The following NKAIN2 variants were observed in gnomAD, a reference collection of about 807,000 sequenced individuals.
The protein encoded by NKAIN2 is sodium/potassium-transporting ATPase subunit beta-1-interacting protein 2.
NKAIN2 carries 14 observed loss-of-function variants against 32.6 expected under a neutral mutation model. The observed-to-expected ratio is 0.43, with a 90% CI of 0.28 to 0.67. The LOEUF is 0.67. NKAIN2 is among the 30% of genes least tolerant of loss of function. The pLI is 0.17. For missense variants in NKAIN2, 198 were observed against 258.3 expected, an observed-to-expected ratio of 0.77 and a Z score of 1.60; for synonymous variants, 80 against 87.2, an observed-to-expected ratio of 0.92 and a Z score of 0.46.
At chr6:124,497,899 CAA>C (rs1387079347) in intron 3 of NKAIN2, among the ~76,000 whole-genome samples, 1 of 145,472 alleles carries the variant, frequency 6.9e-6, no homozygotes, top group African/African-American at 2.5e-5. Flanking sequence ...CAAAATTCTT[CAA>C]AGTGTTTCAT....
chr6:124,782,510 C>G (rs1003603852), intron 4 of NKAIN2, among the ~76,000 whole-genome samples: 11 of 152,186 alleles, frequency 7.2e-5, no homozygotes, highest in South Asian at 6.2e-4. Context: ...AGAAATCTGG[C>G]CTTGTGTTCC....
chr6:124,589,593 A>G (rs635837), intron 3 of NKAIN2, among the ~76,000 whole-genome samples: 24,186 of 152,228 alleles, frequency 0.16, 2,041 homozygotes, highest in Middle Eastern at 0.25. Flanking sequence ...ATACATCTCA[A>G]TTGCAAAACA....
intron 3 of NKAIN2, among the ~76,000 whole-genome samples, chr6:124,622,770 C>T (rs1165807149): frequency 6.6e-6 from 1 of 152,136 alleles, no homozygotes; most frequent in African/African-American, 2.4e-5. Context: ...CTCCGACAAC[C>T]CCCAGCTGAA....
At chr6:124,515,431 G>C (rs1778866559) in intron 3 of NKAIN2, among the ~76,000 whole-genome samples, 2 of 152,036 alleles carry the variant, frequency 1.3e-5, no homozygotes, top group Admixed American at 6.5e-5. Context: ...TTTCTGGCCA[G>C]TGTGTGCAGA....
intron 3 of NKAIN2, among the ~76,000 whole-genome samples, chr6:124,459,720 GTATAA>G (rs1445797373): frequency 6.6e-6 from 1 of 151,468 alleles, no homozygotes; most frequent in East Asian, 1.9e-4. Flanking sequence ...CTTTCTGTTG[GTATAA>G]TATAACTATA....
chr6:124,729,272 C>T (rs1418751724), intron 4 of NKAIN2, among the ~76,000 whole-genome samples: 13 of 150,064 alleles, frequency 8.7e-5, no homozygotes, highest in African/African-American at 2.9e-4. Context: ...GAATTTTAGA[C>T]CAATATCCTT....
At chr6:124,381,401 TG>T (rs1217738838) in intron 3 of NKAIN2, among the ~76,000 whole-genome samples, 2 of 152,150 alleles carry the variant, frequency 1.3e-5, no homozygotes, top group Non-Finnish European at 2.9e-5. Context: ...GAGTGTAAAC[TG>T]GTCTTGAGAT....
intron 4 of NKAIN2, among the ~76,000 whole-genome samples, chr6:124,743,013 T>G (rs1329586225): frequency 6.6e-6 from 1 of 151,960 alleles, no homozygotes; most frequent in African/African-American, 2.4e-5. Flanking sequence ...TCTCTTTCAC[T>G]GCTCCATGAT....
At chr6:123,846,879 T>C (rs1202884938) in intron 1 of NKAIN2, among the ~76,000 whole-genome samples, 5 of 151,992 alleles carry the variant, frequency 3.3e-5, no homozygotes, top group Non-Finnish European at 7.4e-5. Flanking sequence ...ATGTCTCTTA[T>C]TTCCTCTTTC....
At chr6:124,265,973 C>T (rs1272789507) in intron 1 of NKAIN2, among the ~76,000 whole-genome samples, 3 of 152,094 alleles carry the variant, frequency 2.0e-5, no homozygotes, top group Non-Finnish European at 2.9e-5. Flanking sequence ...ATAAACAAAA[C>T]CCAAAACTCC....
chr6:124,349,797 C>G (rs1201205856), intron 2 of NKAIN2, among the ~76,000 whole-genome samples: 1 of 152,174 alleles, frequency 6.6e-6, no homozygotes, highest in Admixed American at 6.5e-5. Flanking sequence ...TCTTATATAG[C>G]TAATTTGATT....
At chr6:124,213,207 TC>T (rs1791279875) in intron 1 of NKAIN2, among the ~76,000 whole-genome samples, 1 of 152,162 alleles carries the variant, frequency 6.6e-6, no homozygotes, top group Non-Finnish European at 1.5e-5. Flanking sequence ...GTATCAGTTT[TC>T]TACCTTGTAT....
chr6:124,524,026 A>G (rs117051769), intron 3 of NKAIN2, among the ~76,000 whole-genome samples: 214 of 152,286 alleles, frequency 1.4e-3, no homozygotes, highest in Non-Finnish European at 2.4e-3. Flanking sequence ...TGTCCTGGAA[A>G]TGACTACCAA....
At chr6:124,050,180 G>A (rs1233286958) in intron 1 of NKAIN2, among the ~76,000 whole-genome samples, 1 of 151,966 alleles carries the variant, frequency 6.6e-6, no homozygotes, top group African/African-American at 2.4e-5. Context: ...GAACTGAATA[G>A]TGAAATGTTT....
At chr6:124,142,074 T>G (rs1278928964) in intron 1 of NKAIN2, among the ~76,000 whole-genome samples, 1 of 152,148 alleles carries the variant, frequency 6.6e-6, no homozygotes, top group Non-Finnish European at 1.5e-5. Flanking sequence ...GGACAACTTT[T>G]CTCCTCTGAC....
chr6:123,912,398 C>T (rs1022926523), intron 1 of NKAIN2, among the ~76,000 whole-genome samples: 7 of 151,968 alleles, frequency 4.6e-5, no homozygotes, highest in Admixed American at 6.6e-5. Context: ...AATCTGAGTC[C>T]ATTTCAATTT....
At chr6:124,307,190 A>C (rs895643108) in intron 2 of NKAIN2, among the ~76,000 whole-genome samples, 1 of 152,262 alleles carries the variant, frequency 6.6e-6, no homozygotes, top group South Asian at 2.1e-4. Context: ...TATATATGGG[A>C]TAGGCTAAAG....
intron 1 of NKAIN2, among the ~76,000 whole-genome samples, chr6:124,172,471 C>T (rs1488463451): frequency 6.6e-6 from 1 of 152,090 alleles, no homozygotes; most frequent in Non-Finnish European, 1.5e-5. Flanking sequence ...TTGCTCATAT[C>T]AAATATTCCT....
At chr6:123,948,469 A>G (rs542685153) in intron 1 of NKAIN2, among the ~76,000 whole-genome samples, 1 of 152,102 alleles carries the variant, frequency 6.6e-6, no homozygotes, top group Non-Finnish European at 1.5e-5. Context: ...AACTAGAGTA[A>G]GATGATATCT....
Sources: gnomAD v4.1 joint callset for allele counts (sites outside exome capture counted in the v4.1 genomes callset) on GRCh38, gnomAD v4.1.1 for gene constraint, MANE v1.5 for transcripts, NCBI Gene and HGNC (gene_info 2026-07-23, HGNC 2026-07-21) for gene names.